Variants in SOX13 observed in about 807,000 individuals in gnomAD.
The protein encoded by SOX13 is SRY-box transcription factor 13.
SOX13 carries 28 observed loss-of-function variants against 71.8 expected under a neutral mutation model. The observed-to-expected ratio is 0.39, with a 90% CI of 0.29 to 0.53. SOX13 has a LOEUF of 0.53. SOX13 is among the 20% of genes least tolerant of loss of function. SOX13 has a pLI of 0.70. For missense variants in SOX13, 627 were observed against 810.3 expected, an observed-to-expected ratio of 0.77 and a Z score of 2.75; for synonymous variants, 309 against 317.8, an observed-to-expected ratio of 0.97 and a Z score of 0.29.
chr1:204,092,228 A>G (rs557771777), intron 1 of SOX13, among the ~76,000 whole-genome samples: 3 of 151,708 alleles, frequency 2.0e-5, no homozygotes, highest in African/African-American at 7.3e-5. Flanking sequence ...AGGTCTTGCT[A>G]TGTTGCCCAG....
intron 1 of SOX13, among the ~76,000 whole-genome samples, chr1:204,083,953 A>T (rs759166815): frequency 9.9e-5 from 15 of 152,126 alleles, no homozygotes; most frequent in Non-Finnish European, 2.1e-4. Flanking sequence ...GGTGGGGAGG[A>T]GAACAGGTCA....
chr1:204,125,582 CAT>C (rs1160309768), intron 13 of SOX13, among the ~76,000 whole-genome samples: 3 of 152,158 alleles, frequency 2.0e-5, no homozygotes, highest in Non-Finnish European at 4.4e-5. Flanking sequence ...GTAAACAAAA[CAT>C]AAAATATACA....
intron 1 of SOX13, among the ~76,000 whole-genome samples, chr1:204,108,321 C>G (rs1390968648): frequency 6.6e-6 from 1 of 152,200 alleles, no homozygotes; most frequent in Non-Finnish European, 1.5e-5. Flanking sequence ...ATGCCCACAG[C>G]ACATTTCTGT....
At position 204,124,857 on chromosome 1, in the gene SOX13, C is replaced by G; in HGVS notation, c.1592C>G (p.Pro531Arg). ...GATGCCCGCCAGAGCTACGTGATCC[C>G]GTGAGCAGGCCCCCCCGCAGGCAGC... ...RQDARQSYVIPPQAGQVQMSS... is the reference protein window; with the variant it reads ...RQDARQSYVIRPQAGQVQMSS... The change falls in exon 13 of 14, where the codon CCC (proline) becomes CGC (arginine). Residue 531 changes from proline (P) to arginine (R), a missense_variant and splice_region_variant. Pro to Arg is a moderately radical substitution (Grantham distance 103, BLOSUM62 -2). Around this residue, in one of 3 missense-constraint regions of SOX13, gnomAD observed 148 missense variants for 192.7 expected, o/e 0.77. Coordinates refer to ENST00000367204, the MANE Select transcript of SOX13 (RefSeq NM_005686.3). 6.4e-7 allele frequency: 1 copy of G among 1,560,700 alleles called. No individual in the cohort carries two copies. The highest frequency in any genetic ancestry group is 8.7e-7 in the Non-Finnish European group (1 of 1,152,378).
Position 204,126,217 on chromosome 1 carries a change from T to G in SOX13, c.*83T>G. On this transcript the variant is annotated 3_prime_UTR_variant, in exon 14 of 14. Coordinates refer to ENST00000367204, the MANE Select transcript of SOX13 (RefSeq NM_005686.3). ...TGGGCACAGCCAGCCAACCTAAGAC[T>G]ATGTTGGTACTTGGACTTGTTCGTG... 2.1e-6 allele frequency: 3 copies of G among 1,447,180 alleles called. No individual in the cohort carries two copies. The highest frequency in any genetic ancestry group is 3.8e-5 in the Admixed American group (2 of 51,968). 89.6% of individuals were successfully genotyped at this position (1,447,180 alleles called of 1,614,324 possible).
At chr1:204,093,053 C>G (rs2102233810) in intron 1 of SOX13, among the ~76,000 whole-genome samples, 1 of 152,246 alleles carries the variant, frequency 6.6e-6, no homozygotes, top group African/African-American at 2.4e-5. Flanking sequence ...TTTGGAGTGA[C>G]CCCCATTCAG....
At chr1:204,116,434 G>A in intron 4 of SOX13, 73 bp from the exon 5 acceptor site, 1 of 1,612,632 alleles carries the variant, frequency 6.2e-7, no homozygotes, top group Non-Finnish European at 8.5e-7. Context: ...TCTGATGGAT[G>A]GGTGGATAGA....
chr1:204,075,145 C>T (rs1390927598), intron 1 of SOX13, among the ~76,000 whole-genome samples: 1 of 152,208 alleles, frequency 6.6e-6, no homozygotes, highest in Non-Finnish European at 1.5e-5. Context: ...TAACTCTGCT[C>T]GTTTTGGAGT....
intron 7 of SOX13, chr1:204,117,946 G>T (rs1442900366): frequency 1.9e-6 from 1 of 533,462 alleles, no homozygotes; most frequent in Non-Finnish European, 3.4e-6. Flanking sequence ...TAGCAATCCA[G>T]GTCTAGTCTC....
intron 1 of SOX13, among the ~76,000 whole-genome samples, chr1:204,110,474 TA>T (rs1656558945): frequency 6.6e-6 from 1 of 152,026 alleles, no homozygotes; most frequent in Non-Finnish European, 1.5e-5. Flanking sequence ...AGATTACTTA[TA>T]ATACCTAATA....
At chr1:204,108,028 G>C (rs1443204000) in intron 1 of SOX13, among the ~76,000 whole-genome samples, 2 of 152,192 alleles carry the variant, frequency 1.3e-5, no homozygotes, top group Non-Finnish European at 2.9e-5. Flanking sequence ...ATGGTGCCTG[G>C]CTGGAGGGAC....
chr1:204,079,957 G>A (rs1655867837), intron 1 of SOX13, among the ~76,000 whole-genome samples: 1 of 152,220 alleles, frequency 6.6e-6, no homozygotes, highest in African/African-American at 2.4e-5. Context: ...TGGTATCTCA[G>A]AGTCCTGGGT....
At chr1:204,089,183 G>A (rs777145553) in intron 1 of SOX13, among the ~76,000 whole-genome samples, 6 of 117,940 alleles carry the variant, frequency 5.1e-5, no homozygotes, top group Middle Eastern at 3.9e-3. Context: ...GAAGATGCAT[G>A]GGGGGGTGGG....
chr1:204,085,739 C>T lies in SOX13; in HGVS notation c.-2+12028C>T, dbSNP rs1275399276. Reference sequence around the variant, plus strand: ...CCTGTAATCCCAGCACTTTGGGAGGCCGAGGCAGGTGGGTCACGAGGTCAG... The same window carrying T: ...CCTGTAATCCCAGCACTTTGGGAGGTCGAGGCAGGTGGGTCACGAGGTCAG... On this transcript the variant is annotated intron_variant, in intron 1 of 13. Coordinates refer to ENST00000367204, the MANE Select transcript of SOX13 (RefSeq NM_005686.3). 4.6e-5 allele frequency among the ~76,000 whole-genome samples: 7 copies of T among 151,470 alleles called. No individual in the cohort carries two copies. In the East Asian group the frequency reaches 1.4e-3, roughly 29 times the overall value.
Position 204,112,440 on chromosome 1 carries a change from C to CAA in SOX13, c.-1-463_-1-462dup, listed in dbSNP as rs5780211. On this transcript the variant is annotated intron_variant, in intron 1 of 13. Transcript: ENST00000367204. ...TAGGTGACAGAGTGAGACTCTGTCT[C>CAA]AAAAAAAAAAAAATGCATTTGTATA... 6.4e-3 allele frequency among the ~76,000 whole-genome samples: 894 copies of CAA among 139,704 alleles called. 8 individuals are homozygous for CAA. The highest frequency in any genetic ancestry group is 0.017 in the African/African-American group (631 of 37,280). 91.7% of individuals were successfully genotyped at this position (139,704 alleles called of 152,430 possible).
intron 1 of SOX13, among the ~76,000 whole-genome samples, chr1:204,078,852 A>G (rs940287941): frequency 1.3e-5 from 2 of 152,216 alleles, no homozygotes; most frequent in African/African-American, 4.8e-5. Context: ...GACCTCTGTC[A>G]GCTTCTCTGA....
intron 1 of SOX13, chr1:204,074,324 T>A (rs1400527878): frequency 6.6e-6 from 1 of 150,612 alleles, no homozygotes; most frequent in Non-Finnish European, 1.5e-5. Flanking sequence ...GCTGCTCCTG[T>A]CCCACCCCCA....
chr1:204,121,791 G>A, intron 7 of SOX13, 109 bp from the exon 8 acceptor site: 1 of 782,884 alleles, frequency 1.3e-6, no homozygotes, highest in Non-Finnish European at 2.2e-6. Flanking sequence ...GAACCAAGCT[G>A]GTCCAGTGCC....
In SOX13 at chr1:204,075,786, T is replaced by A. The variant is rs556193702; in HGVS notation, c.-2+2075T>A. ...GGTTAATATGAACGCTTCATGGGGT[T>A]GTCTTGAGGATTAAAAGACTTAATA... is the stretch of plus-strand genomic sequence containing the variant. On this transcript the variant is annotated intron_variant, in intron 1 of 13. Coordinates refer to ENST00000367204, the MANE Select transcript of SOX13 (RefSeq NM_005686.3). Among the ~76,000 whole-genome samples the A allele has an allele frequency of 6.6e-5, 10 of 152,344 alleles. No individual in the cohort carries two copies. The East Asian group carries it at 1.9e-3, about 29-fold the overall frequency.
Sources: allele counts gnomAD v4.1 joint callset (sites outside exome capture counted in the v4.1 genomes callset), GRCh38; gene constraint gnomAD v4.1.1; regional missense constraint gnomAD v4.1.1; transcripts MANE v1.5; gene names NCBI Gene and HGNC (gene_info 2026-07-23, HGNC 2026-07-21).